Variants in ABL2 observed in about 807,000 individuals in gnomAD.
ABL2 encodes tyrosine-protein kinase ABL2.
A neutral mutation model predicts 107.7 loss-of-function variants in ABL2; 49 were observed. The ratio of observed to expected loss-of-function variants is 0.45; its 90% CI spans 0.36 to 0.58. ABL2 has a LOEUF of 0.58. Ranked by LOEUF, ABL2 falls within the 20% of genes least tolerant of loss-of-function variation. The probability of loss-of-function intolerance (pLI) is 0.00; values close to 1 mark genes in which losing one functional copy is unlikely to be tolerated. For missense variants in ABL2, 1,245 were observed against 1,457.0 expected (o/e 0.85, Z 2.37); for synonymous variants, 549 against 548.6 (o/e 1.00, Z -0.01).
chr1:179,192,746 T>C (rs2102824168), intron 1 of ABL2, among the ~76,000 whole-genome samples: 1 of 152,342 alleles, frequency 6.6e-6, no homozygotes, highest in Middle Eastern at 3.4e-3. Context: ...TTAAGTAAAT[T>C]AATAAATTTT....
chr1:179,217,547 A>G lies in ABL2; in HGVS notation c.157+11694T>C, dbSNP rs1662634791. On this transcript the variant is annotated intron_variant, in intron 1 of 11. Coordinates refer to ENST00000502732, the MANE Select transcript of ABL2 (RefSeq NM_007314.4). Reference sequence around the variant, plus strand: ...AGGCTGAGGCAGGAGAACCGTTTGAACCCAGTGGGTGGAGGTTGCAGTGAG... The same window carrying G: ...AGGCTGAGGCAGGAGAACCGTTTGAGCCCAGTGGGTGGAGGTTGCAGTGAG... 2.0e-5 allele frequency among the ~76,000 whole-genome samples: 3 copies of G among 149,802 alleles called. No individual in the cohort carries two copies. In the South Asian group the frequency reaches 6.4e-4, roughly 32 times the overall value.
chr1:179,194,853 C>T (rs988445065), intron 1 of ABL2, among the ~76,000 whole-genome samples: 1 of 152,046 alleles, frequency 6.6e-6, no homozygotes, highest in African/African-American at 2.4e-5. Flanking sequence ...CAAAGACCAA[C>T]AAGTCAACAA....
At chr1:179,178,429 G>GT (rs1355315200) in intron 1 of ABL2, among the ~76,000 whole-genome samples, 2 of 96,060 alleles carry the variant, frequency 2.1e-5, no homozygotes, top group African/African-American at 6.9e-5. Context: ...AATTATTTGT[G>GT]TAAGAAATCT....
chr1:179,110,434 C>T lies in ABL2; in HGVS notation c.1673G>A (p.Arg558Lys). 6.2e-7 allele frequency: 1 copy of T among 1,613,210 alleles called. No homozygotes were observed. Among genetic ancestry groups the T allele is most frequent in the Non-Finnish European group, 8.5e-7 (1 of 1,179,822 alleles). The change falls in exon 11 of 12, where the codon AGA becomes AAA. Residue 558 changes from arginine to lysine, a missense_variant. Arg to Lys is a conservative substitution (Grantham distance 26, BLOSUM62 2). Transcript: ENST00000502732. ...ISEEVAEELG[R>K]AASSSSVVPY... ...AACAACAGATGACGAGGAGGCGGCT[C>T]TCCCAAGCTCCTCAGCTACCTCTGT...
Position 179,117,447 on chromosome 1 carries a change from A to G in ABL2, c.1293T>C (p.Ser431=). The G allele has an allele frequency of 6.2e-7, 1 of 1,614,182 alleles. No homozygotes were observed. Among genetic ancestry groups the G allele is most frequent in the Non-Finnish European group, 8.5e-7 (1 of 1,180,022 alleles). ...TATAAGTGTCTCCAGTCATCAATCT[A>G]CTTAAGCCAAAGTCAGCCACTTTTA... The part of the protein sequence containing the change: ...HVVKVADFGL[S]RLMTGDTYTA... Residue 431 remains serine (S), a synonymous_variant, in exon 8 of 12, where the codon AGT becomes AGC. Coordinates refer to ENST00000502732, the MANE Select transcript of ABL2 (RefSeq NM_007314.4).
At chr1:179,141,651 G>C (rs1391277717) in intron 1 of ABL2, among the ~76,000 whole-genome samples, 2 of 152,098 alleles carry the variant, frequency 1.3e-5, no homozygotes, top group African/African-American at 4.8e-5. Context: ...CCCGTCTCTG[G>C]TTTTACGGTC....
intron 1 of ABL2, among the ~76,000 whole-genome samples, chr1:179,187,087 A>G (rs1660719026): frequency 6.6e-6 from 1 of 151,982 alleles, no homozygotes; most frequent in South Asian, 2.1e-4. Flanking sequence ...CATTTTCTAC[A>G]TCTTTACCAT....
rs754137125 is a variant in ABL2 at position 179,108,974 on chromosome 1, C to T, written c.2293G>A (p.Ala765Thr). The T allele has an allele frequency of 6.2e-7, 1 of 1,614,118 alleles. No individual in the cohort carries two copies. Among genetic ancestry groups the T allele is most frequent in the East Asian group, 2.2e-5 (1 of 44,866 alleles). Residue 765 changes from alanine (A) to threonine (T), a missense_variant, in exon 12 of 12, where the codon GCA (alanine) becomes ACA (threonine). Ala to Thr is a moderately conservative substitution (Grantham distance 58). Around this residue, in one of 3 missense-constraint regions of ABL2, gnomAD observed 761 missense variants for 766.4 expected, o/e 0.99. Transcript: ENST00000502732. ...TCATCACTGGCTGTGGGTTTACCTG[C>T]TCGTAAGCCCAGTGTCTTTTTGATT... ...RLIKKTLGLR[A>T]GKPTASDDTS...
At chr1:179,142,651 TA>T (rs1267167985) in intron 1 of ABL2, among the ~76,000 whole-genome samples, 1 of 152,222 alleles carries the variant, frequency 6.6e-6, no homozygotes, top group African/African-American at 2.4e-5. Flanking sequence ...AAAAATTATG[TA>T]AGGTAAATTA....
intron 1 of ABL2, among the ~76,000 whole-genome samples, chr1:179,213,905 G>A (rs1288025594): frequency 6.6e-6 from 1 of 151,994 alleles, no homozygotes; most frequent in Non-Finnish European, 1.5e-5. Context: ...TGCTACTACT[G>A]CACTCCAACC....
chr1:179,172,881 T>G (rs1416721062), intron 1 of ABL2, among the ~76,000 whole-genome samples: 1 of 152,112 alleles, frequency 6.6e-6, no homozygotes, highest in African/African-American at 2.4e-5. Context: ...CCCTGAGTAT[T>G]TATAAACTAT....
chr1:179,170,702 C>A (rs1308486329), intron 1 of ABL2, among the ~76,000 whole-genome samples: 3 of 152,338 alleles, frequency 2.0e-5, no homozygotes, highest in Non-Finnish European at 2.9e-5. Context: ...TCAAGCAATT[C>A]TCCTGCTTCA....
chr1:179,224,489 G>A (rs1381990649), intron 1 of ABL2, among the ~76,000 whole-genome samples: 5 of 151,878 alleles, frequency 3.3e-5, no homozygotes, highest in African/African-American at 7.3e-5. Flanking sequence ...GGCTGATCTC[G>A]AACTCCTGAC....
chr1:179,197,940 G>A (rs1661417784), intron 1 of ABL2, among the ~76,000 whole-genome samples: 1 of 151,596 alleles, frequency 6.6e-6, no homozygotes, highest in African/African-American at 2.4e-5. Flanking sequence ...TTAGGAGGCT[G>A]AGGCGGGCGG....
At chr1:179,149,712 T>C (rs1388887369) in intron 1 of ABL2, among the ~76,000 whole-genome samples, 1 of 152,230 alleles carries the variant, frequency 6.6e-6, no homozygotes, top group Admixed American at 6.5e-5. Context: ...CAACAAAGCC[T>C]GAATAAGAGC....
At position 179,229,305 on chromosome 1, in the gene ABL2, G is replaced by T; in HGVS notation, c.93C>A (p.Ser31=). Residue 31 remains serine, a synonymous_variant, in exon 1 of 12, where the codon TCC becomes TCA. Coordinates refer to ENST00000502732, the MANE Select transcript of ABL2 (RefSeq NM_007314.4). ...GIRGSSAARP[S]GRRRDPAGRT... ...GCCCCGCCGGGTCCCGCCTGCGGCC[G>T]GAGGGCCTGGCTGCACTGCTGCCCC... The T allele has an allele frequency of 6.3e-7, 1 of 1,581,654 alleles. No homozygotes were observed. The highest frequency in any genetic ancestry group is 1.1e-5 in the South Asian group (1 of 87,470).
chr1:179,214,869 A>C (rs1290084626), intron 1 of ABL2, among the ~76,000 whole-genome samples: 3 of 152,108 alleles, frequency 2.0e-5, no homozygotes, highest in Non-Finnish European at 4.4e-5. Flanking sequence ...CACACACACA[A>C]AAATTGTGGG....
In ABL2 at chr1:179,131,598, C is replaced by T. The variant is rs1656337986; in HGVS notation, c.221-117G>A. 4 of 1,019,900 alleles carry T rather than the reference C, an allele frequency of 3.9e-6. No homozygotes were observed. The East Asian group carries it at 9.9e-5, about 25-fold the overall frequency. The allele number at this position is 1,019,900 out of a possible 1,614,324, so 63.2% of individuals were successfully genotyped here. A position where few individuals can be genotyped will look rare whatever the true frequency, so the allele number is the denominator to read the frequency against. On this transcript the variant is annotated intron_variant, in intron 2 of 11. Coordinates refer to ENST00000502732, the MANE Select transcript of ABL2 (RefSeq NM_007314.4). ...GGCTCCAGAGTAGGAAAGAACTGTA[C>T]AGTATAAAGTGTTATGAAGAATTAG...
Position 179,121,755 on chromosome 1 carries a change from T to C in ABL2, c.800A>G (p.Asn267Ser). Residue 267 changes from asparagine to serine, a missense_variant, in exon 5 of 12, where the codon AAT becomes AGT. Asn to Ser is a conservative substitution (Grantham distance 46). Transcript: ENST00000502732. ...GGACACACCATAGACTGTAGGCTTA[T>C]TACACTTGGGTGCTGGGTAGTGTAA... ...TTLHYPAPKC[N>S]KPTVYGVSPI... is the part of the protein sequence containing the mutation. The C allele has an allele frequency of 6.2e-7, 1 of 1,614,076 alleles. No homozygotes were observed. The highest frequency in any genetic ancestry group is 1.1e-5 in the South Asian group (1 of 91,076).
Sources: gnomAD v4.1 joint callset for allele counts (sites outside exome capture counted in the v4.1 genomes callset) on GRCh38, gnomAD v4.1.1 for gene constraint, gnomAD v4.1.1 regional missense constraint, MANE v1.5 for transcripts, NCBI Gene and HGNC (gene_info 2026-07-23, HGNC 2026-07-21) for gene names.